The following GSK3B variants were observed in gnomAD, a reference collection of about 807,000 sequenced individuals.
GSK3B encodes glycogen synthase kinase-3 beta.
A neutral mutation model predicts 56.4 loss-of-function variants in GSK3B; 15 were observed. The ratio of observed to expected loss-of-function variants is 0.27; its 90% confidence interval spans 0.18 to 0.41. The LOEUF is 0.41. Ranked by LOEUF, GSK3B falls within the 10% of genes least tolerant of loss-of-function variation. The pLI is 1.00. For synonymous variants in GSK3B, 181 were observed against 188.9 expected, an observed-to-expected ratio of 0.96 and a Z score of 0.34; for missense variants, 300 against 513.4, an observed-to-expected ratio of 0.58 and a Z score of 4.02.
intron 1 of GSK3B, among the ~76,000 whole-genome samples, chr3:120,062,008 A>T (rs1349602266): frequency 1.3e-5 from 2 of 152,190 alleles, no homozygotes; most frequent in Non-Finnish European, 2.9e-5. Context: ...TTGGGATTAC[A>T]GGCATAAGCC....
intron 1 of GSK3B, among the ~76,000 whole-genome samples, chr3:120,013,872 T>C (rs2057800976): frequency 3.3e-5 from 5 of 150,706 alleles, no homozygotes; most frequent in Admixed American, 3.3e-4. Context: ...AAAAAAACTA[T>C]TAAAACAAAG....
At chr3:119,966,401 GATT>G (rs574109208) in intron 2 of GSK3B, among the ~76,000 whole-genome samples, 93 of 152,258 alleles carry the variant, frequency 6.1e-4, no homozygotes, top group South Asian at 1.7e-3. Context: ...AACTTAAAAT[GATT>G]ATTAAATATT....
chr3:119,955,248 A>AC lies in GSK3B; in HGVS notation c.283-7898_283-7897insG, dbSNP rs1156442775. ...GAACCAACAGCTAAAAAAAAAAAAA[A>AC]ACACAAAAAAACTTAACCCCATTTG... On this transcript the variant is annotated intron_variant, in intron 2 of 10. Coordinates refer to ENST00000264235, the MANE Select transcript of GSK3B (RefSeq NM_001146156.2). 2.6e-5 allele frequency among the ~76,000 whole-genome samples: 4 copies of AC among 151,696 alleles called. No individual in the cohort carries two copies. The South Asian group carries it at 6.2e-4, about 24-fold the overall frequency.
intron 2 of GSK3B, among the ~76,000 whole-genome samples, chr3:119,997,750 T>C (rs1159954709): frequency 6.6e-6 from 1 of 152,008 alleles, no homozygotes; most frequent in Non-Finnish European, 1.5e-5. Flanking sequence ...AATGGACAAA[T>C]CAGCGGAAAA....
chr3:119,975,989 G>A (rs1231044470), intron 2 of GSK3B, among the ~76,000 whole-genome samples: 1 of 152,108 alleles, frequency 6.6e-6, no homozygotes, highest in South Asian at 2.1e-4. Context: ...TAGAACAGCA[G>A]AAAATGCAAA....
intron 1 of GSK3B, among the ~76,000 whole-genome samples, chr3:120,085,232 T>A (rs2058453987): frequency 6.6e-6 from 1 of 152,222 alleles, no homozygotes; most frequent in South Asian, 2.1e-4. Context: ...ATTATGAGAA[T>A]ATGATATACA....
At chr3:119,910,049 T>G (rs2056720464) in intron 6 of GSK3B, among the ~76,000 whole-genome samples, 1 of 152,208 alleles carries the variant, frequency 6.6e-6, no homozygotes. Context: ...ACTATCACTT[T>G]CATTATTAAC....
intron 5 of GSK3B, among the ~76,000 whole-genome samples, chr3:119,915,710 A>T (rs2056774020): frequency 6.6e-6 from 1 of 152,090 alleles, no homozygotes; most frequent in African/African-American, 2.4e-5. Flanking sequence ...GGTTGCATGT[A>T]TTACTCTGCA....
intron 6 of GSK3B, 92 bp from the exon 7 acceptor site, chr3:119,905,944 G>C: frequency 2.6e-6 from 2 of 761,218 alleles, no homozygotes; most frequent in South Asian, 3.1e-5. Flanking sequence ...TTTGATCACA[G>C]AGTAAATATC....
chr3:119,985,090 CA>C (rs1182915772), intron 2 of GSK3B, among the ~76,000 whole-genome samples: 2 of 152,094 alleles, frequency 1.3e-5, no homozygotes, highest in African/African-American at 4.8e-5. Flanking sequence ...AGACAAAAAC[CA>C]CATGATTATC....
intron 2 of GSK3B, among the ~76,000 whole-genome samples, chr3:119,990,175 G>A (rs930997858): frequency 1.5e-4 from 23 of 151,428 alleles, no homozygotes; most frequent in Non-Finnish European, 2.7e-4. Flanking sequence ...AATAAACCCC[G>A]CTCCAGTTGG....
At chr3:120,030,011 C>T (rs189880900) in intron 1 of GSK3B, 49 of 380,832 alleles carry the variant, frequency 1.3e-4, no homozygotes, top group African/African-American at 9.7e-4. Context: ...CTGTGTCCCC[C>T]AGTCTGTCTT....
At chr3:119,919,981 T>C (rs2056823213) in intron 4 of GSK3B, among the ~76,000 whole-genome samples, 1 of 152,176 alleles carries the variant, frequency 6.6e-6, no homozygotes, top group Non-Finnish European at 1.5e-5. Flanking sequence ...GTTTGCTTAT[T>C]TTAAAAATGG....
intron 7 of GSK3B, among the ~76,000 whole-genome samples, chr3:119,895,394 TA>T (rs1179738319): frequency 6.6e-6 from 1 of 151,610 alleles, no homozygotes; most frequent in Admixed American, 6.6e-5. Context: ...AGAGTACAGA[TA>T]TCTCTTTGAC....
chr3:119,859,712 G>T (rs763422426), intron 9 of GSK3B, among the ~76,000 whole-genome samples: 1 of 151,284 alleles, frequency 6.6e-6, no homozygotes, highest in Non-Finnish European at 1.5e-5. Context: ...TTGCTTTCTG[G>T]AACACCTTTT....
At chr3:120,005,089 G>A (rs2057715092) in intron 1 of GSK3B, among the ~76,000 whole-genome samples, 1 of 152,026 alleles carries the variant, frequency 6.6e-6, no homozygotes, top group South Asian at 2.1e-4. Flanking sequence ...TAAATGACCT[G>A]ATGAAGCTGA....
At chr3:119,915,047 C>T (rs1172699136) in intron 5 of GSK3B, among the ~76,000 whole-genome samples, 1 of 151,862 alleles carries the variant, frequency 6.6e-6, no homozygotes, top group Non-Finnish European at 1.5e-5. Flanking sequence ...GGGGTAACTG[C>T]CTGAGTTACA....
intron 1 of GSK3B, among the ~76,000 whole-genome samples, chr3:120,011,564 G>A (rs767669720): frequency 1.3e-5 from 2 of 152,180 alleles, no homozygotes; most frequent in Non-Finnish European, 2.9e-5. Flanking sequence ...GAGATTTGAT[G>A]TAGACAAGGA....
intron 3 of GSK3B, among the ~76,000 whole-genome samples, chr3:119,935,734 C>T (rs1371182923): frequency 6.6e-6 from 1 of 152,100 alleles, no homozygotes; most frequent in Non-Finnish European, 1.5e-5. Flanking sequence ...GAATACTTCT[C>T]AATGTCATTC....
Sources: gnomAD v4.1 joint callset for allele counts (sites outside exome capture counted in the v4.1 genomes callset) on GRCh38, gnomAD v4.1.1 for gene constraint, MANE v1.5 for transcripts, NCBI Gene and HGNC (gene_info 2026-07-23, HGNC 2026-07-21) for gene names.